The following KIF21B variants were observed in gnomAD, a reference collection of about 807,000 sequenced individuals.
KIF21B encodes the protein kinesin-like protein KIF21B.
KIF21B carries 85 observed loss-of-function variants against 192.9 expected under a neutral mutation model. That is an observed-to-expected ratio of 0.44 (90% CI 0.37 to 0.53). The LOEUF is 0.53. KIF21B is among the 20% of genes least tolerant of loss of function. The pLI is 0.00. For missense variants in KIF21B, 1,716 were observed against 2,194.8 expected (o/e 0.78, Z 4.36); for synonymous variants, 832 against 884.6 (o/e 0.94, Z 1.05).
At chr1:201,007,319 G>A (rs1444498769) in intron 3 of KIF21B, among the ~76,000 whole-genome samples, 5 of 74,092 alleles carry the variant, frequency 6.7e-5, no homozygotes, top group African/African-American at 3.7e-4. Context: ...CGGACACAGA[G>A]ACACACAGAC....
intron 26 of KIF21B, among the ~76,000 whole-genome samples, chr1:200,985,410 C>T (rs944120895): frequency 6.6e-6 from 1 of 152,060 alleles, no homozygotes; most frequent in Non-Finnish European, 1.5e-5. Context: ...ATCGCTTGAG[C>T]CTGGGAGGTG....
At chr1:200,976,690 T>C in intron 32 of KIF21B, 86 bp downstream of exon 32, 1 of 792,980 alleles carries the variant, frequency 1.3e-6, no homozygotes, top group Non-Finnish European at 2.0e-6. Flanking sequence ...TCTTATAATT[T>C]TTCATGGGTA....
In KIF21B at chr1:201,003,511, G is replaced by A. The variant is rs776252787; in HGVS notation, c.1212+75C>T. ...AGGGATGCTGAGGAAGTTAGGGTGA[G>A]GCTGCAGGGCAGAGGGTGCATATGG... On this transcript the variant is annotated intron_variant, in intron 8 of 34. Transcript: ENST00000461742. The A allele has an allele frequency of 4.8e-6, 7 of 1,472,540 alleles. No individual in the cohort carries two copies. In the South Asian group the frequency reaches 6.9e-5, roughly 14 times the overall value. The allele number at this position is 1,472,540 out of a possible 1,614,324, so 91.2% of individuals were successfully genotyped here. A position where few individuals can be genotyped will look rare whatever the true frequency, so the allele number is the denominator to read the frequency against.
rs1442856195 is a variant in KIF21B, at chr1:200,977,249, C to A, written c.4288G>T (p.Ala1430Ser). Residue 1430 changes from alanine to serine, a missense_variant, in exon 31 of 35, where the codon GCC (alanine) becomes TCC (serine). Transcript: ENST00000461742. ...CAGATGCGGACGGCATTGCCCGAGG[C>A]GGCGTACAGCATGGTGCCCGAAGGG... ...LSPSGTMLYA[A>S]SGNAVRIWEL... The A allele has an allele frequency of 6.2e-7, 1 of 1,613,804 alleles. No homozygotes were observed. Among genetic ancestry groups the A allele is most frequent in the Non-Finnish European group, 8.5e-7 (1 of 1,179,746 alleles).
chr1:201,019,173 T>C (rs914850810), intron 1 of KIF21B, among the ~76,000 whole-genome samples: 1 of 152,194 alleles, frequency 6.6e-6, no homozygotes, highest in African/African-American at 2.4e-5. Flanking sequence ...GACCTTGTGA[T>C]CCACCTGCCT....
chr1:201,001,903 G>A, intron 9 of KIF21B: 1 of 511,850 alleles, frequency 2.0e-6, no homozygotes, highest in Admixed American at 3.2e-5. Context: ...GCTTGGGGTG[G>A]AGGGTTCAGG....
chr1:200,982,931 G>A lies in KIF21B; in HGVS notation c.3842+125C>T, dbSNP rs1656038180. 2.5e-6 allele frequency: 2 copies of A among 813,550 alleles called. No homozygotes were observed. The highest frequency in any genetic ancestry group is 1.7e-5 in the African/African-American group (1 of 59,336). The allele number at this position is 813,550 out of a possible 1,614,324, so 50.4% of individuals were successfully genotyped here. A position where few individuals can be genotyped will look rare whatever the true frequency, so the allele number is the denominator to read the frequency against. ...GTCTGGAGAGGGGGGCAGCAGGAAG[G>A]GGAGTGGAGGGGCCGCATGCTGAGG... is the stretch of plus-strand genomic sequence containing the variant. On this transcript the variant is annotated intron_variant, in intron 28 of 34. Transcript: ENST00000461742. This position sits in a 1 kb window ranked among gnomAD's most constrained non-coding sequence, Gnocchi z 4.7.
chr1:200,981,312 T>C (rs1416717462), intron 28 of KIF21B, among the ~76,000 whole-genome samples: 1 of 152,212 alleles, frequency 6.6e-6, no homozygotes, highest in Non-Finnish European at 1.5e-5. Flanking sequence ...CAATCATCAG[T>C]TGCCATCCTG....
At chr1:200,992,413 G>A in intron 15 of KIF21B, 24 bp from the exon 16 acceptor site, 1 of 1,608,820 alleles carries the variant, frequency 6.2e-7, no homozygotes, top group South Asian at 1.1e-5. Context: ...AGATTATGGT[G>A]GTGAGACAGG....
chr1:200,977,475 C>A, intron 30 of KIF21B, 99 bp from the exon 31 acceptor site: 2 of 1,405,752 alleles, frequency 1.4e-6, no homozygotes, highest in Non-Finnish European at 1.9e-6. Context: ...AAATAACCTA[C>A]TTCTTCCAGG....
chr1:200,991,708 C>T lies in KIF21B; in HGVS notation c.2403G>A (p.Leu801=). ...TCTCCTGCTGCCGCTTCTGGGACTC[C>T]AGAGCTCGGATCTGAAACTGTGGGA... ...QRRQEFQIRA[L]ESQKRQQEMV... is the part of the protein sequence containing the mutation. Residue 801 remains leucine, a synonymous_variant, in exon 17 of 35, where the codon CTG becomes CTA. Transcript: ENST00000461742. 1 of 1,614,166 alleles carries T rather than the reference C, an allele frequency of 6.2e-7. No individual in the cohort carries two copies. Among genetic ancestry groups the T allele is most frequent in the Non-Finnish European group, 8.5e-7 (1 of 1,180,032 alleles).
At position 200,980,979 on chromosome 1, in the gene KIF21B, C is replaced by A; in HGVS notation, c.3960G>T (p.Leu1320Phe). The change falls in exon 29 of 35, where the codon TTG becomes TTT. Residue 1320 changes from leucine to phenylalanine, a missense_variant. By Grantham distance (22) the Leu-to-Phe change is conservative. Transcript: ENST00000461742. ...PILCLDATDE[L>F]LFTGSKDRSC... is the part of the protein sequence containing the mutation. Reference sequence around the variant, plus strand: ...ACATACCTTTGGACCCTGTGAATAGCAACTCATCTGTGGCATCCAGGCAGA... The same window carrying A: ...ACATACCTTTGGACCCTGTGAATAGAAACTCATCTGTGGCATCCAGGCAGA... The A allele has an allele frequency of 6.2e-7, 1 of 1,611,788 alleles. No individual in the cohort carries two copies. The highest frequency in any genetic ancestry group is 1.1e-5 in the South Asian group (1 of 90,560).
chr1:200,991,819 G>GCA, intron 16 of KIF21B, 94 bp from the exon 17 acceptor site: 1 of 1,285,516 alleles, frequency 7.8e-7, no homozygotes, highest in Non-Finnish European at 1.1e-6. Context: ...TTGAAAGCCT[G>GCA]GGCTTCAGGG....
rs1219003043 is a variant in KIF21B, at chr1:201,023,065, G to A, written c.41+278C>T. 6.6e-6 allele frequency among the ~76,000 whole-genome samples: 1 copy of A among 152,230 alleles called. No homozygotes were observed. The highest frequency in any genetic ancestry group is 1.5e-5 in the Non-Finnish European group (1 of 68,036). On this transcript the variant is annotated intron_variant, in intron 1 of 34. Coordinates refer to ENST00000461742, the MANE Select transcript of KIF21B (RefSeq NM_001252102.2). This position sits in a 1 kb window ranked among gnomAD's most constrained non-coding sequence, Gnocchi z 5.9. ...GGGCCAGAGCTGGGTGTGAAATACC[G>A]GATTTCCTTGTTTATTCGATTTTCT...
At chr1:201,005,777 T>C in intron 3 of KIF21B, 83 bp from the exon 4 acceptor site, 1 of 1,401,454 alleles carries the variant, frequency 7.1e-7, no homozygotes, top group Non-Finnish European at 9.8e-7. Flanking sequence ...ACCATATCTG[T>C]TTTACAGATG....
At position 201,017,206 on chromosome 1, in the gene KIF21B, G is replaced by A. The variant is rs745795593; in HGVS notation, c.41+6137C>T. On this transcript the variant is annotated intron_variant, in intron 1 of 34. Coordinates refer to ENST00000461742, the MANE Select transcript of KIF21B (RefSeq NM_001252102.2). The surrounding 1 kb of genome is among the most constrained non-coding windows in gnomAD (Gnocchi z 4.1). ...AGGATCTCAGCCGTGCAGAGGAATC[G>A]GGCCAGCAAGGAGAGTGGGGTGAAA... 6.6e-5 allele frequency among the ~76,000 whole-genome samples: 10 copies of A among 152,134 alleles called. No individual in the cohort carries two copies. The highest frequency in any genetic ancestry group is 1.0e-4 in the Non-Finnish European group (7 of 68,022).
intron 29 of KIF21B, among the ~76,000 whole-genome samples, chr1:200,980,592 G>T (rs150670175): frequency 6.6e-6 from 1 of 152,346 alleles, no homozygotes; most frequent in East Asian, 1.9e-4. Flanking sequence ...CTGTAATCAG[G>T]TGAGCGTGAC....
chr1:200,985,831 C>CTTCCT (rs1205247856), intron 26 of KIF21B, among the ~76,000 whole-genome samples: 21,959 of 105,780 alleles, frequency 0.21, 3,070 homozygotes, highest in African/African-American at 0.36. Context: ...CTTCCCTTCC[C>CTTCCT]TTTTTTTTTT....
rs1313672487 is a variant in KIF21B, at chr1:200,972,900, C to G, written c.*621G>C. The G allele has an allele frequency of 6.5e-6, 1 of 152,772 alleles. No individual in the cohort carries two copies. The highest frequency in any genetic ancestry group is 2.4e-5 in the African/African-American group (1 of 41,466). The allele number at this position is 152,772 out of a possible 1,614,324, so 9.5% of individuals were successfully genotyped here. On this transcript the variant is annotated 3_prime_UTR_variant, in exon 35 of 35. Transcript: ENST00000461742. ...ATAACTGAAGTATTTCTGACCATCTCCCCAAAGGAATCTTTCTAGCAGCTC... is the reference window on the plus strand; with the variant it reads ...ATAACTGAAGTATTTCTGACCATCTGCCCAAAGGAATCTTTCTAGCAGCTC...
Sources: allele counts gnomAD v4.1 joint callset (sites outside exome capture counted in the v4.1 genomes callset), GRCh38; gene constraint gnomAD v4.1.1; non-coding constraint Gnocchi (gnomAD v3.1); transcripts MANE v1.5; gene names NCBI Gene and HGNC (gene_info 2026-07-23, HGNC 2026-07-21).